CLIP1: variants seen among roughly 807,000 people sequenced by gnomAD.
CLIP1 encodes the protein CAP-Gly domain containing linker protein 1.
CLIP1 carries 66 observed loss-of-function variants against 161.6 expected under a neutral mutation model. The observed-to-expected ratio is 0.41, with a 90% confidence interval of 0.33 to 0.50. The LOEUF (loss-of-function observed/expected upper bound fraction) is 0.50, where lower values mean the gene tolerates loss of function less well. CLIP1 is among the 20% of genes least tolerant of loss of function. The pLI, the probability that CLIP1 is intolerant of heterozygous loss-of-function variation, is 0.27. For missense variants in CLIP1, 1,376 were observed against 1,702.0 expected, an observed-to-expected ratio of 0.81 and a Z score of 3.37; for synonymous variants, 598 against 626.2, an observed-to-expected ratio of 0.96 and a Z score of 0.67.
At chr12:122,412,453 G>T (rs936599601) in intron 1 of CLIP1, among the ~76,000 whole-genome samples, 1 of 151,892 alleles carries the variant, frequency 6.6e-6, no homozygotes, top group African/African-American at 2.4e-5. Flanking sequence ...TCATCAGTTT[G>T]AGACCAGCCT....
In CLIP1 at chr12:122,422,594, CCTCCCGG is replaced by C. The variant is rs1328882358; in HGVS notation, c.-187_-181del. The C allele has an allele frequency of 6.7e-6, 1 of 149,618 alleles. No homozygotes were observed. Among genetic ancestry groups the C allele is most frequent in the African/African-American group, 2.4e-5 (1 of 40,988 alleles). 9.3% of individuals were successfully genotyped at this position (149,618 alleles called of 1,614,324 possible). ...CAGCCGCCGCGGCCGCCGCCTCCCGCCTCCCGGCTCGTCGGCTCGGGGCGGGGGAGAG... is the reference window on the plus strand; with the variant it reads ...CAGCCGCCGCGGCCGCCGCCTCCCGCCTCGTCGGCTCGGGGCGGGGGAGAG... On this transcript the variant is annotated 5_prime_UTR_variant, in exon 1 of 26. Coordinates refer to ENST00000620786, the MANE Select transcript of CLIP1 (RefSeq NM_001247997.2).
intron 11 of CLIP1, among the ~76,000 whole-genome samples, chr12:122,339,517 T>C (rs1354466109): frequency 6.6e-6 from 1 of 152,076 alleles, no homozygotes; most frequent in Non-Finnish European, 1.5e-5. Context: ...TTTGTATTTT[T>C]AGTAGACAGG....
chr12:122,293,002 C>CAAAAAAAAAAAAAA lies in CLIP1; in HGVS notation c.3595-4475_3595-4462dup, dbSNP rs57326141. Among the ~76,000 whole-genome samples the CAAAAAAAAAAAAAA allele has an allele frequency of 5.0e-4, 22 of 43,572 alleles. 1 individual carries two copies. The highest frequency in any genetic ancestry group is 1.8e-3 in the African/African-American group (16 of 8,820). 28.6% of individuals were successfully genotyped at this position (43,572 alleles called of 152,430 possible). A position where few individuals can be genotyped will look rare whatever the true frequency, so the allele number is the denominator to read the frequency against. On this transcript the variant is annotated intron_variant, in intron 20 of 25. Coordinates refer to ENST00000620786, the MANE Select transcript of CLIP1 (RefSeq NM_001247997.2). ...TGGGCAAAAGAGCAAGACTCTGTCT[C>CAAAAAAAAAAAAAA]AAAAAAAAAAAAAAAAAAAAGGCAA...
chr12:122,415,057 CA>C (rs1336863300), intron 1 of CLIP1, among the ~76,000 whole-genome samples: 1 of 151,540 alleles, frequency 6.6e-6, no homozygotes, highest in African/African-American at 2.4e-5. Flanking sequence ...GACTCTGTCT[CA>C]AAAAATAATA....
intron 1 of CLIP1, among the ~76,000 whole-genome samples, chr12:122,409,981 C>T (rs1453796094): frequency 2.0e-5 from 3 of 151,740 alleles, no homozygotes; most frequent in African/African-American, 7.3e-5. Flanking sequence ...CGCCATTCTC[C>T]TGCCTCAGCC....
At chr12:122,360,410 CAAAAAAAAA>C (rs34294939) in intron 5 of CLIP1, among the ~76,000 whole-genome samples, 2 of 87,362 alleles carry the variant, frequency 2.3e-5, no homozygotes, top group Admixed American at 1.3e-4. Flanking sequence ...CCTCTCTCTA[CAAAAAAAAA>C]AAAAAAAAAA....
chr12:122,421,270 A>G (rs957403571), intron 1 of CLIP1, among the ~76,000 whole-genome samples: 8 of 151,830 alleles, frequency 5.3e-5, no homozygotes, highest in African/African-American at 1.9e-4. Context: ...TTTACAGAGA[A>G]AAAAAGGCCC....
chr12:122,370,665 A>G (rs1273840020), intron 3 of CLIP1, among the ~76,000 whole-genome samples: 1 of 152,208 alleles, frequency 6.6e-6, no homozygotes, highest in East Asian at 1.9e-4. Context: ...TAACAGGTAA[A>G]CAAAAGATGC....
intron 3 of CLIP1, chr12:122,365,764 T>C (rs935610337): frequency 2.0e-5 from 12 of 596,738 alleles, no homozygotes; most frequent in Non-Finnish European, 1.5e-5. Flanking sequence ...TCTCAGCACT[T>C]TGGGAGGCCC....
chr12:122,357,595 T>C (rs1173646815), intron 5 of CLIP1, among the ~76,000 whole-genome samples: 6 of 128,886 alleles, frequency 4.7e-5, no homozygotes, highest in Non-Finnish European at 8.1e-5. Flanking sequence ...AGCCGCCCCG[T>C]CCGGAAGGTG....
intron 9 of CLIP1, 148 bp from the exon 10 acceptor site, chr12:122,347,627 G>T: frequency 1.6e-6 from 1 of 634,006 alleles, no homozygotes; most frequent in Non-Finnish European, 2.9e-6. Context: ...AAGAGGTGGA[G>T]GTGAGATGAG....
At chr12:122,389,341 A>T (rs1043756458) in intron 1 of CLIP1, among the ~76,000 whole-genome samples, 1 of 152,242 alleles carries the variant, frequency 6.6e-6, no homozygotes, top group African/African-American at 2.4e-5. Context: ...TGAATGAGAA[A>T]AATAGTCTGA....
At chr12:122,389,116 C>T (rs1013459962) in intron 1 of CLIP1, among the ~76,000 whole-genome samples, 2 of 152,120 alleles carry the variant, frequency 1.3e-5, no homozygotes, top group Non-Finnish European at 2.9e-5. Context: ...CATTCATCTG[C>T]CCCACAAAAC....
intron 5 of CLIP1, chr12:122,360,668 A>G (rs1426560074): frequency 3.0e-5 from 8 of 263,058 alleles, no homozygotes; most frequent in Non-Finnish European, 5.7e-5. Flanking sequence ...AAATAATTTG[A>G]CCCCTGTGTT....
intron 15 of CLIP1, 55 bp downstream of exon 15, chr12:122,332,932 A>C: frequency 6.8e-7 from 1 of 1,478,084 alleles, no homozygotes; most frequent in Non-Finnish European, 9.3e-7. Context: ...TCCCACCTAG[A>C]GCTTGCCGCA....
rs1952107497 is a variant in CLIP1 at position 122,334,116 on chromosome 12, T to C, written c.2627-6A>G. 2 of 1,582,456 alleles carry C rather than the reference T, an allele frequency of 1.3e-6. No homozygotes were observed. The highest frequency in any genetic ancestry group is 1.7e-5 in the Admixed American group (1 of 59,598). On this transcript the variant is annotated splice_polypyrimidine_tract_variant and splice_region_variant and intron_variant, in intron 13 of 25. Coordinates refer to ENST00000620786, the MANE Select transcript of CLIP1 (RefSeq NM_001247997.2). ...GTGTAACTTATTTACAGTTTCTATT[T>C]AGGATAAAAGTTAGAAGTTTAATAT...
chr12:122,418,879 AAG>A (rs1956843048), intron 1 of CLIP1, among the ~76,000 whole-genome samples: 1 of 152,232 alleles, frequency 6.6e-6, no homozygotes, highest in Non-Finnish European at 1.5e-5. Context: ...TCAGAGAAGA[AAG>A]AAGCTGATTA....
rs1955956580 is a variant in CLIP1 at position 122,288,609 on chromosome 12, A to T, written c.3595-68T>A. ...CAGAAAGGCATATTTCTCATCCCACATGTACATCCCCCAGGCTCCAGGACA... is the reference window on the plus strand; with the variant it reads ...CAGAAAGGCATATTTCTCATCCCACTTGTACATCCCCCAGGCTCCAGGACA... On this transcript the variant is annotated intron_variant, in intron 20 of 25. Transcript: ENST00000620786. 3.7e-6 allele frequency: 5 copies of T among 1,355,870 alleles called. 1 individual carries two copies. In the South Asian group the frequency reaches 6.0e-5, roughly 16 times the overall value. The allele number at this position is 1,355,870 out of a possible 1,614,324, so 84.0% of individuals were successfully genotyped here.
At chr12:122,407,842 G>A (rs1041927075) in intron 1 of CLIP1, among the ~76,000 whole-genome samples, 5 of 146,070 alleles carry the variant, frequency 3.4e-5, no homozygotes. Flanking sequence ...CCCTTAAACA[G>A]TCAGACATGG....
Sources: allele counts gnomAD v4.1 joint callset (sites outside exome capture counted in the v4.1 genomes callset), GRCh38; gene constraint gnomAD v4.1.1; transcripts MANE v1.5; gene names NCBI Gene and HGNC (gene_info 2026-07-23, HGNC 2026-07-21).